The following RANBP2 variants were observed in gnomAD, a reference collection of about 807,000 sequenced individuals.
RANBP2 encodes the protein RAN binding protein 2.
Under a neutral mutation model 303.6 loss-of-function variants are expected in RANBP2, and 57 were observed. The observed-to-expected ratio is 0.19, with a 90% CI of 0.15 to 0.23. The LOEUF is 0.23. Among genes scored for constraint, RANBP2 ranks in the 10% least tolerant of loss-of-function variants. The pLI is 1.00. For synonymous variants in RANBP2, 1,167 were observed against 1,301.5 expected, an observed-to-expected ratio of 0.90 and a Z score of 2.23; for missense variants, 3,138 against 3,780.8, an observed-to-expected ratio of 0.83 and a Z score of 4.46.
chr2:109,516,688 G>C, the RANBP2 span, among the ~76,000 whole-genome samples: 1 of 152,232 alleles, frequency 6.6e-6, no homozygotes, highest in Non-Finnish European at 1.5e-5. Flanking sequence ...CCCAAAGCAG[G>C]GCTGGCGTGT....
chr2:109,343,390 T>C, the RANBP2 span, among the ~76,000 whole-genome samples: 38 of 152,168 alleles, frequency 2.5e-4, no homozygotes, highest in African/African-American at 6.5e-4. Flanking sequence ...CCCTCAGAAA[T>C]GTGTCCTGCA....
the RANBP2 span, among the ~76,000 whole-genome samples, chr2:109,679,451 T>A: frequency 6.6e-6 from 1 of 152,208 alleles, no homozygotes; most frequent in Non-Finnish European, 1.5e-5. Flanking sequence ...ATATATGGCA[T>A]TGTCTATGAA....
the RANBP2 span, among the ~76,000 whole-genome samples, chr2:109,521,710 C>T: frequency 1.3e-5 from 2 of 152,208 alleles, no homozygotes; most frequent in Admixed American, 6.5e-5. Context: ...AGCCTGCTTT[C>T]CAACAGAAAG....
chr2:108,821,906 C>T, the RANBP2 span, among the ~76,000 whole-genome samples: 1 of 125,088 alleles, frequency 8.0e-6, no homozygotes, highest in Non-Finnish European at 1.6e-5. Context: ...CCAGCATGGG[C>T]AACAAGAGCG....
At chr2:109,016,166 C>T in the RANBP2 span, among the ~76,000 whole-genome samples, 1 of 152,186 alleles carries the variant, frequency 6.6e-6, no homozygotes, top group Non-Finnish European at 1.5e-5. Context: ...ACTGCAAGCT[C>T]CGCCTCCCGG....
the RANBP2 span, among the ~76,000 whole-genome samples, chr2:109,459,017 T>C: frequency 5.3e-5 from 8 of 152,158 alleles, no homozygotes; most frequent in Middle Eastern, 3.2e-3. Context: ...AGCAAAGTCA[T>C]ACTTCTGCCT....
At chr2:108,948,656 A>G in the RANBP2 span, among the ~76,000 whole-genome samples, 1 of 152,176 alleles carries the variant, frequency 6.6e-6, no homozygotes, top group African/African-American at 2.4e-5. Flanking sequence ...CCAGACACTT[A>G]TCAAACAACC....
the RANBP2 span, among the ~76,000 whole-genome samples, chr2:109,374,762 C>A: frequency 7.2e-5 from 11 of 152,232 alleles, no homozygotes; most frequent in Non-Finnish European, 1.0e-4. Context: ...TCTGCAGGCA[C>A]CTGGCAGGGT....
the RANBP2 span, among the ~76,000 whole-genome samples, chr2:109,102,899 G>A: frequency 6.6e-6 from 1 of 152,308 alleles, no homozygotes; most frequent in Admixed American, 6.5e-5. Flanking sequence ...TCTAAGAAAC[G>A]GCTTTGGGAA....
the RANBP2 span, among the ~76,000 whole-genome samples, chr2:108,874,573 G>A: frequency 9.7e-4 from 147 of 152,196 alleles, no homozygotes; most frequent in Non-Finnish European, 1.7e-3. Context: ...CATGATTCCC[G>A]TGGTAGAGAA....
chr2:109,535,105 T>C, the RANBP2 span, among the ~76,000 whole-genome samples: 1 of 152,184 alleles, frequency 6.6e-6, no homozygotes, highest in Admixed American at 6.5e-5. Context: ...ATTAGGCCCC[T>C]GGAAAATTCT....
the RANBP2 span, chr2:109,667,139 C>G: frequency 7.8e-7 from 1 of 1,278,602 alleles, no homozygotes. Flanking sequence ...TTCAGCCAAT[C>G]CTGAGGCATA....
chr2:109,431,304 T>C, the RANBP2 span, among the ~76,000 whole-genome samples: 2 of 152,216 alleles, frequency 1.3e-5, no homozygotes, highest in Non-Finnish European at 2.9e-5. Flanking sequence ...ACATTCATCT[T>C]TGGTCTCTTA....
the RANBP2 span, among the ~76,000 whole-genome samples, chr2:109,620,127 C>A: frequency 4.6e-5 from 7 of 152,164 alleles, no homozygotes; most frequent in Non-Finnish European, 7.3e-5. Flanking sequence ...AATGTTCTAC[C>A]CTTGCACAGT....
chr2:109,438,068 T>C, the RANBP2 span, among the ~76,000 whole-genome samples: 5 of 152,356 alleles, frequency 3.3e-5, no homozygotes, highest in South Asian at 1.0e-3. Context: ...CAATAAAATA[T>C]ACTATTTCTT....
At chr2:108,837,081 A>G in the RANBP2 span, among the ~76,000 whole-genome samples, 1 of 152,120 alleles carries the variant, frequency 6.6e-6, no homozygotes, top group Non-Finnish European at 1.5e-5. Flanking sequence ...CTGGTACTAT[A>G]GTGAACAGAA....
chr2:109,504,256 GT>G, the RANBP2 span: 1 of 152,244 alleles, frequency 6.6e-6, no homozygotes, highest in East Asian at 1.9e-4. Flanking sequence ...TAGCCATGTA[GT>G]GGCCTTGGGG....
At chr2:109,202,410 A>G in the RANBP2 span, among the ~76,000 whole-genome samples, 1 of 152,164 alleles carries the variant, frequency 6.6e-6, no homozygotes, top group Non-Finnish European at 1.5e-5. Flanking sequence ...CCCGAACTTA[A>G]TTGTACTTTT....
chr2:108,869,892 C>T, the RANBP2 span, among the ~76,000 whole-genome samples: 8 of 152,014 alleles, frequency 5.3e-5, no homozygotes, highest in South Asian at 2.1e-4. Context: ...TCGTAGAACA[C>T]GCAAAGAAAG....
Sources: allele counts gnomAD v4.1 joint callset (sites outside exome capture counted in the v4.1 genomes callset), GRCh38; gene constraint gnomAD v4.1.1; transcripts MANE v1.5; gene names NCBI Gene and HGNC (gene_info 2026-07-23, HGNC 2026-07-21).